FCGR2A: variants seen among roughly 807,000 people sequenced by gnomAD.
FCGR2A encodes the protein Fc gamma receptor IIa.
FCGR2A carries 18 observed loss-of-function variants against 29.3 expected under a neutral mutation model. That is an observed-to-expected ratio of 0.62 (90% CI 0.43 to 0.91). The LOEUF is 0.91. Ranked by LOEUF, FCGR2A falls within the 40% of genes least tolerant of loss-of-function variation. The pLI is 0.00. For missense variants in FCGR2A, 287 were observed against 393.0 expected (o/e 0.73, Z 2.28); for synonymous variants, 126 against 144.8 (o/e 0.87, Z 0.93).
chr1:161,511,003 C>T (rs772965799), intron 5 of FCGR2A, 47 bp downstream of exon 5: 3 of 1,613,626 alleles, frequency 1.9e-6, no homozygotes, highest in Non-Finnish European at 2.5e-6. Context: ...TCCATTTGGC[C>T]CAGGGCCTAA....
chr1:161,517,192 C>G (rs1676194693), intron 6 of FCGR2A, among the ~76,000 whole-genome samples: 1 of 151,446 alleles, frequency 6.6e-6, no homozygotes, highest in African/African-American at 2.4e-5. Context: ...TCAAGCAATA[C>G]AATCTAAAAT....
chr1:161,519,802 C>G lies in FCGR2A; in HGVS notation c.*1654C>G, dbSNP rs1190712908. The G allele has an allele frequency of 2.0e-5, 3 of 152,070 alleles. No homozygotes were observed. Among genetic ancestry groups the G allele is most frequent in the South Asian group, 2.1e-4 (1 of 4,812 alleles). 9.4% of individuals were successfully genotyped at this position (152,070 alleles called of 1,614,324 possible). A position where few individuals can be genotyped will look rare whatever the true frequency, so the allele number is the denominator to read the frequency against. ...TGTCTTCTTCCCTTTCCTTCTATAGCAAATAAAGCATTCACTTTGTTTTGG... is the reference window on the plus strand; with the variant it reads ...TGTCTTCTTCCCTTTCCTTCTATAGGAAATAAAGCATTCACTTTGTTTTGG... On this transcript the variant is annotated 3_prime_UTR_variant, in exon 7 of 7. Transcript: ENST00000271450.
chr1:161,509,770 C>A, intron 3 of FCGR2A, 50 bp from the exon 4 acceptor site: 1 of 1,608,718 alleles, frequency 6.2e-7, no homozygotes, highest in Non-Finnish European at 8.5e-7. Context: ...ACTGAAAAAC[C>A]CTTGGAATCT....
intron 1 of FCGR2A, 87 bp from the exon 2 acceptor site, chr1:161,505,900 C>A (rs982543439): frequency 2.2e-6 from 3 of 1,341,926 alleles, no homozygotes; most frequent in Non-Finnish European, 3.2e-6. Context: ...AGAGCCCAAG[C>A]TCACCTCCCC....
Position 161,509,958 on chromosome 1 carries a change from T to G in FCGR2A, c.503T>G (p.Leu168Trp). Residue 168 changes from leucine (L) to tryptophan (W), a missense_variant, in exon 4 of 7, where the codon TTG becomes TGG. Leu to Trp is a moderately conservative substitution (Grantham distance 61, BLOSUM62 -2). Coordinates refer to ENST00000271450, the MANE Select transcript of FCGR2A (RefSeq NM_001136219.3). ...GGAAAATCCCAGAAATTCTCCCATT[T>G]GGATCCCACCTTCTCCATCCCACAA... is the stretch of plus-strand genomic sequence containing the variant. Reference protein sequence around the residue: ...QNGKSQKFSHLDPTFSIPQAN... With the variant: ...QNGKSQKFSHWDPTFSIPQAN... 1.9e-6 allele frequency: 3 copies of G among 1,614,008 alleles called. No homozygotes were observed. The highest frequency in any genetic ancestry group is 2.5e-6 in the Non-Finnish European group (3 of 1,179,886).
Position 161,505,472 on chromosome 1 carries a change from CTA to C in FCGR2A, c.7_8del (p.Met3GlyfsTer43). ...GGACGTTGGCACAGTGCTGGGATGA[CTA>C]TGGAGACCCAAATGTCTCAGAATGT... On this transcript the variant is annotated frameshift_variant, in exon 1 of 7. Transcript: ENST00000271450. LOFTEE classifies it high-confidence loss of function. 3 of 1,612,876 alleles carry C rather than the reference CTA, an allele frequency of 1.9e-6. No homozygotes were observed. The highest frequency in any genetic ancestry group is 2.5e-6 in the Non-Finnish European group (3 of 1,178,834).
chr1:161,520,462 CT>C (rs1676409045), downstream of FCGR2A, among the ~76,000 whole-genome samples: 1 of 151,890 alleles, frequency 6.6e-6, no homozygotes, highest in Admixed American at 6.6e-5. Flanking sequence ...CCTGGTCCCA[CT>C]TTTGACAGAT....
intron 1 of FCGR2A, 195 bp downstream of exon 1, chr1:161,505,747 A>G (rs2102454208): frequency 2.8e-6 from 2 of 710,344 alleles, no homozygotes; most frequent in East Asian, 2.5e-5. Context: ...TAGTCCCTGG[A>G]AAGTCCATTC....
chr1:161,516,377 C>T (rs1676145013), intron 6 of FCGR2A, among the ~76,000 whole-genome samples: 1 of 151,996 alleles, frequency 6.6e-6, no homozygotes, highest in African/African-American at 2.4e-5. Context: ...CAATAAGAAT[C>T]TATTCTCCTT....
downstream of FCGR2A, among the ~76,000 whole-genome samples, chr1:161,520,821 T>A (rs1301146958): frequency 6.6e-6 from 1 of 152,084 alleles, no homozygotes; most frequent in Non-Finnish European, 1.5e-5. Context: ...ATCTTCCCCT[T>A]GTGGTTGGAG....
intron 6 of FCGR2A, 123 bp downstream of exon 6, chr1:161,514,055 C>G (rs1245870251): frequency 2.2e-6 from 3 of 1,340,680 alleles, no homozygotes; most frequent in African/African-American, 2.9e-5. Context: ...CCTGAGCAAA[C>G]AAAGCCACCC....
At chr1:161,510,679 T>C (rs1040431708) in intron 4 of FCGR2A, among the ~76,000 whole-genome samples, 155 bp from the exon 5 acceptor site, 1 of 152,200 alleles carries the variant, frequency 6.6e-6, no homozygotes, top group Non-Finnish European at 1.5e-5. Context: ...GGGGATGTGG[T>C]GAATCTTGCA....
downstream of FCGR2A, among the ~76,000 whole-genome samples, chr1:161,522,522 G>A (rs542659825): frequency 1.4e-3 from 206 of 152,134 alleles, 1 homozygote; most frequent in African/African-American, 4.4e-3. Context: ...TTAACACGCC[G>A]GGGCACAGAA....
chr1:161,510,800 C>T (rs1316456555), intron 4 of FCGR2A, 34 bp from the exon 5 acceptor site: 2 of 1,612,404 alleles, frequency 1.2e-6, no homozygotes, highest in African/African-American at 1.3e-5. Context: ...AAAATAGTAA[C>T]CCCCCATCCT....
chr1:161,515,773 T>C (rs1004199125), intron 6 of FCGR2A, among the ~76,000 whole-genome samples: 2 of 152,182 alleles, frequency 1.3e-5, no homozygotes, highest in Non-Finnish European at 2.9e-5. Context: ...TAGTTTTATA[T>C]TATTATACCT....
At chr1:161,516,733 GT>G (rs1290408161) in intron 6 of FCGR2A, among the ~76,000 whole-genome samples, 1 of 149,428 alleles carries the variant, frequency 6.7e-6, no homozygotes, top group Non-Finnish European at 1.5e-5. Flanking sequence ...TGCATCCATT[GT>G]CAAATTCTAG....
At position 161,517,347 on chromosome 1, in the gene FCGR2A, C is replaced by T. The variant is rs431688; in HGVS notation, c.781-628C>T. Among the ~76,000 whole-genome samples the T allele has an allele frequency of 8.9e-4, 135 of 152,166 alleles. 1 individual carries two copies. The highest frequency in any genetic ancestry group is 3.0e-3 in the African/African-American group (126 of 41,502). ...TTATGGTGATTCTAGAACTGGGCAA[C>T]ACTTGCCTCCTTAAATTAGAATAAG... On this transcript the variant is annotated intron_variant, in intron 6 of 6. Coordinates refer to ENST00000271450, the MANE Select transcript of FCGR2A (RefSeq NM_001136219.3).
Position 161,518,791 on chromosome 1 carries a change from T to TG in FCGR2A, c.*643_*644insG. 6.8e-6 allele frequency: 1 copy of TG among 148,060 alleles called. No individual in the cohort carries two copies. The highest frequency in any genetic ancestry group is 2.0e-4 in the East Asian group (1 of 5,096). The allele number at this position is 148,060 out of a possible 1,614,324, so 9.2% of individuals were successfully genotyped here. On this transcript the variant is annotated 3_prime_UTR_variant, in exon 7 of 7. Coordinates refer to ENST00000271450, the MANE Select transcript of FCGR2A (RefSeq NM_001136219.3). ...ACCCAGCTAATTTTTGTATTTTTTA[T>TG]TTTTTTTTTTTAGTAGAGACAGGGT...
rs1199349150 is a variant in FCGR2A, at chr1:161,509,813, C to G, written c.365-7C>G. On this transcript the variant is annotated splice_region_variant and splice_polypyrimidine_tract_variant and intron_variant, in intron 3 of 6. Transcript: ENST00000271450. ...CAACTTTTTCTTATCATATTTGTGT[C>G]TTTCAGAATGGCTGGTGCTCCAGAC... is the stretch of plus-strand genomic sequence containing the variant. The G allele has an allele frequency of 1.2e-6, 2 of 1,614,108 alleles. No homozygotes were observed. The highest frequency in any genetic ancestry group is 1.1e-5 in the South Asian group (1 of 91,082).
Sources: allele counts gnomAD v4.1 joint callset (sites outside exome capture counted in the v4.1 genomes callset), GRCh38; gene constraint gnomAD v4.1.1; transcripts MANE v1.5; gene names NCBI Gene and HGNC (gene_info 2026-07-23, HGNC 2026-07-21).